The following ASAP1 variants were observed in gnomAD, a reference collection of about 807,000 sequenced individuals.
ASAP1 encodes arf-GAP with SH3 domain, ANK repeat and PH domain-containing protein 1.
In ASAP1, 43 loss-of-function variants were observed where a neutral mutation model predicts 145.2. The observed-to-expected ratio is 0.30, with a 90% CI of 0.23 to 0.38. ASAP1 has a LOEUF of 0.38. Ranked by LOEUF, ASAP1 falls within the 10% of genes least tolerant of loss-of-function variation. The pLI, the probability that ASAP1 is intolerant of heterozygous loss-of-function variation, is 1.00. For missense variants in ASAP1, 1,018 were observed against 1,355.3 expected (o/e 0.75, Z 3.91); for synonymous variants, 546 against 515.5 (o/e 1.06, Z -0.80).
chr8:130,149,011 A>ATT (rs397892008), intron 13 of ASAP1, among the ~76,000 whole-genome samples: 23 of 123,920 alleles, frequency 1.9e-4, no homozygotes, highest in East Asian at 6.9e-4. Context: ...TAATTTTTGC[A>ATT]TTTTTTTTTT....
At chr8:130,248,107 G>A (rs1274458803) in intron 3 of ASAP1, among the ~76,000 whole-genome samples, 3 of 152,078 alleles carry the variant, frequency 2.0e-5, no homozygotes, top group Non-Finnish European at 4.4e-5. Flanking sequence ...AAAGAAAATA[G>A]GAGCTTACTT....
Position 130,073,684 on chromosome 8 carries a change from C to G in ASAP1, c.2701+2664G>C, listed in dbSNP as rs141551079. Among the ~76,000 whole-genome samples the G allele has an allele frequency of 1.2e-4, 19 of 152,288 alleles. No individual in the cohort carries two copies. In the East Asian group the frequency reaches 2.7e-3, roughly 22 times the overall value. On this transcript the variant is annotated intron_variant, in intron 27 of 29. Transcript: ENST00000518721. Reference sequence around the variant, plus strand: ...AAGAGCTGCAGACGGCCAAGGAAGACAGGGCTGAAGCTTAACCGCTGGCCC... The same window carrying G: ...AAGAGCTGCAGACGGCCAAGGAAGAGAGGGCTGAAGCTTAACCGCTGGCCC...
intron 24 of ASAP1, among the ~76,000 whole-genome samples, chr8:130,094,061 T>C (rs1320765766): frequency 1.3e-5 from 2 of 152,180 alleles, no homozygotes; most frequent in African/African-American, 4.8e-5. Context: ...AACACTTAAT[T>C]AGGGTGTCAG....
At chr8:130,068,507 C>T (rs1296368030) in intron 27 of ASAP1, among the ~76,000 whole-genome samples, 4 of 152,196 alleles carry the variant, frequency 2.6e-5, no homozygotes, top group African/African-American at 7.2e-5. Context: ...TTTACTAAAA[C>T]GCACTGTAAG....
chr8:130,193,865 T>A (rs544137259), intron 5 of ASAP1, among the ~76,000 whole-genome samples: 37 of 152,296 alleles, frequency 2.4e-4, no homozygotes, highest in Middle Eastern at 3.4e-3. Flanking sequence ...TCCTTTTTTT[T>A]AAAAAGCAGA....
chr8:130,442,842 GA>G (rs1830532676), intron 1 of ASAP1, among the ~76,000 whole-genome samples: 1 of 152,102 alleles, frequency 6.6e-6, no homozygotes. Context: ...GTCGCTCTCA[GA>G]AAACGCAGCA....
intron 3 of ASAP1, among the ~76,000 whole-genome samples, chr8:130,330,749 G>A (rs916521318): frequency 6.6e-6 from 1 of 152,152 alleles, no homozygotes; most frequent in Non-Finnish European, 1.5e-5. Context: ...AGAAGACAGG[G>A]TTCTATCATT....
chr8:130,298,696 T>G (rs1822439976), intron 3 of ASAP1, among the ~76,000 whole-genome samples: 1 of 152,218 alleles, frequency 6.6e-6, no homozygotes. Flanking sequence ...ATACATCTTT[T>G]ACTTCCTCAA....
At chr8:130,115,511 T>C in intron 23 of ASAP1, 117 bp downstream of exon 23, 1 of 793,624 alleles carries the variant, frequency 1.3e-6, no homozygotes. Context: ...TAAATGGCCC[T>C]GATACATTGG....
At chr8:130,140,087 C>T (rs1310152123) in intron 13 of ASAP1, among the ~76,000 whole-genome samples, 2 of 148,916 alleles carry the variant, frequency 1.3e-5, no homozygotes, top group Non-Finnish European at 3.0e-5. Flanking sequence ...GGCTAGAGTG[C>T]ACTGGGGTGA....
intron 2 of ASAP1, chr8:130,361,906 T>G (rs1338445341): frequency 1.4e-6 from 1 of 693,496 alleles, no homozygotes; most frequent in Non-Finnish European, 2.6e-6. Context: ...TGCACCTGGC[T>G]TTATATAAAG....
At chr8:130,381,848 G>T (rs780514043) in intron 2 of ASAP1, among the ~76,000 whole-genome samples, 1 of 152,138 alleles carries the variant, frequency 6.6e-6, no homozygotes, top group Admixed American at 6.5e-5. Flanking sequence ...CCTGCACGCA[G>T]GCCTCTGCAT....
At chr8:130,189,984 A>G (rs1276395178) in intron 5 of ASAP1, among the ~76,000 whole-genome samples, 1 of 152,186 alleles carries the variant, frequency 6.6e-6, no homozygotes, top group Admixed American at 6.5e-5. Context: ...TCTTTTGCCC[A>G]GTTTAAAACT....
intron 1 of ASAP1, among the ~76,000 whole-genome samples, chr8:130,409,901 T>A (rs1194018342): frequency 6.6e-6 from 1 of 151,946 alleles, no homozygotes; most frequent in African/African-American, 2.4e-5. Flanking sequence ...GTGAGGAGGG[T>A]GAGTTGAGTA....
At chr8:130,118,402 C>G in intron 19 of ASAP1, 87 bp downstream of exon 19, 1 of 1,431,982 alleles carries the variant, frequency 7.0e-7, no homozygotes, top group Non-Finnish European at 9.6e-7. Context: ...ATAAGAATCT[C>G]ATTATATGGT....
At chr8:130,123,968 A>G in intron 18 of ASAP1, 45 bp downstream of exon 18, 1 of 1,446,842 alleles carries the variant, frequency 6.9e-7, no homozygotes, top group Non-Finnish European at 9.6e-7. Flanking sequence ...TAGAAAAACA[A>G]TTATAGAATG....
chr8:130,173,217 G>A (rs759418014), intron 9 of ASAP1, among the ~76,000 whole-genome samples: 1 of 152,208 alleles, frequency 6.6e-6, no homozygotes, highest in African/African-American at 2.4e-5. Context: ...AAAGGAGGAC[G>A]AGTTGTAGAA....
At chr8:130,057,250 C>T (rs2097406218) in intron 29 of ASAP1, among the ~76,000 whole-genome samples, 2 of 152,100 alleles carry the variant, frequency 1.3e-5, no homozygotes, top group African/African-American at 2.4e-5. Context: ...AGCACATAGG[C>T]TCTGGGGTCA....
intron 5 of ASAP1, among the ~76,000 whole-genome samples, chr8:130,212,141 G>T (rs1256787536): frequency 6.6e-6 from 1 of 152,186 alleles, no homozygotes; most frequent in South Asian, 2.1e-4. Flanking sequence ...GCTGGCTGTT[G>T]TCAAGTTGTG....
Sources: allele counts gnomAD v4.1 joint callset (sites outside exome capture counted in the v4.1 genomes callset), GRCh38; gene constraint gnomAD v4.1.1; transcripts MANE v1.5; gene names NCBI Gene and HGNC (gene_info 2026-07-23, HGNC 2026-07-21).